The following IVNS1ABP variants were observed in gnomAD, a reference collection of about 807,000 sequenced individuals.
IVNS1ABP encodes the protein influenza virus NS1A-binding protein.
A neutral mutation model predicts 78.9 loss-of-function variants in IVNS1ABP; 25 were observed. The ratio of observed to expected loss-of-function variants is 0.32; its 90% CI spans 0.23 to 0.44. IVNS1ABP has a LOEUF of 0.44. Among genes scored for constraint, IVNS1ABP ranks in the 20% least tolerant of loss-of-function variants. The pLI is 1.00. For missense variants in IVNS1ABP, 494 were observed against 768.9 expected (o/e 0.64, Z 4.23); for synonymous variants, 241 against 259.7 (o/e 0.93, Z 0.69).
intron 5 of IVNS1ABP, among the ~76,000 whole-genome samples, chr1:185,308,294 A>G (rs1665792116): frequency 6.6e-6 from 1 of 152,184 alleles, no homozygotes; most frequent in South Asian, 2.1e-4. Flanking sequence ...TGTAGACCAT[A>G]TGTAAATGAA....
chr1:185,313,004 T>C (rs1256098001), intron 1 of IVNS1ABP, among the ~76,000 whole-genome samples: 3 of 152,216 alleles, frequency 2.0e-5, no homozygotes, highest in Non-Finnish European at 2.9e-5. Context: ...AAAAACATTA[T>C]AATATGAAGG....
chr1:185,298,163 T>G lies in IVNS1ABP; in HGVS notation c.1801A>C (p.Ile601Leu). 6.2e-7 allele frequency: 1 copy of G among 1,613,892 alleles called. No homozygotes were observed. The highest frequency in any genetic ancestry group is 8.5e-7 in the Non-Finnish European group (1 of 1,179,842). Residue 601 changes from isoleucine to leucine, a missense_variant, in exon 15 of 15, where the codon ATT becomes CTT. Coordinates refer to ENST00000367498, the MANE Select transcript of IVNS1ABP (RefSeq NM_006469.5). The surrounding 1 kb of genome is among the most constrained non-coding windows in gnomAD (Gnocchi z 4.1). ...TAAATGGTGTTCCCTACAGTTGCAA[T>G]CCCAGCATTGCTCCTTGGTGAAGTC... Reference protein sequence around the residue: ...NMTSPRSNAGIATVGNTIYAV... With the variant: ...NMTSPRSNAGLATVGNTIYAV...
intron 1 of IVNS1ABP, among the ~76,000 whole-genome samples, chr1:185,315,015 G>T (rs1157680218): frequency 1.3e-5 from 2 of 152,142 alleles, no homozygotes; most frequent in African/African-American, 2.4e-5. Context: ...ATTTTCTGTT[G>T]TTTTAACAAA....
rs2102822501 is a variant in IVNS1ABP at position 185,311,308 on chromosome 1, A to G, written c.-232T>C. On this transcript the variant is annotated 5_prime_UTR_variant, in exon 2 of 15. Transcript: ENST00000367498. ...ATAGACACGAATTTCTTCTGTGATA[A>G]TGATGCATCATAATCTATAACAATG... The G allele has an allele frequency of 2.5e-6, 1 of 397,964 alleles. No individual in the cohort carries two copies. Among genetic ancestry groups the G allele is most frequent in the Non-Finnish European group, 4.4e-6 (1 of 225,614 alleles). 24.7% of individuals were successfully genotyped at this position (397,964 alleles called of 1,614,324 possible). A position where few individuals can be genotyped will look rare whatever the true frequency, so the allele number is the denominator to read the frequency against.
At chr1:185,313,192 T>G (rs1277133851) in intron 1 of IVNS1ABP, among the ~76,000 whole-genome samples, 2 of 152,212 alleles carry the variant, frequency 1.3e-5, no homozygotes, top group Admixed American at 1.3e-4. Context: ...GGAGAATTTT[T>G]GGGGCAATTT....
At chr1:185,304,436 A>G (rs1665684477) in intron 8 of IVNS1ABP, among the ~76,000 whole-genome samples, 1 of 152,152 alleles carries the variant, frequency 6.6e-6, no homozygotes, top group Non-Finnish European at 1.5e-5. Context: ...ACTTTTAGAA[A>G]TATTCACTCA....
chr1:185,300,608 A>G lies in IVNS1ABP; in HGVS notation c.1121-50T>C, dbSNP rs770276163. 1.6e-5 allele frequency: 26 copies of G among 1,581,298 alleles called. No homozygotes were observed. The East Asian group carries it at 5.8e-4, about 35-fold the overall frequency. ...ATTTATGTTTAAAATATTAAACTGGACCACGGTTTCCAGTCCTGTAAGTTT... is the reference window on the plus strand; with the variant it reads ...ATTTATGTTTAAAATATTAAACTGGGCCACGGTTTCCAGTCCTGTAAGTTT... On this transcript the variant is annotated intron_variant, in intron 10 of 14. Transcript: ENST00000367498.
At chr1:185,302,394 T>C (rs1665624968) in intron 8 of IVNS1ABP, among the ~76,000 whole-genome samples, 1 of 152,128 alleles carries the variant, frequency 6.6e-6, no homozygotes. Flanking sequence ...CATATGGAAT[T>C]GGAAGAGTAA....
chr1:185,316,366 G>T (rs1029613322), intron 1 of IVNS1ABP, among the ~76,000 whole-genome samples: 1 of 152,138 alleles, frequency 6.6e-6, no homozygotes, highest in Non-Finnish European at 1.5e-5. Context: ...CAAGAAAAGC[G>T]GGCAACGTGG....
At chr1:185,307,882 T>C (rs1665780380) in intron 5 of IVNS1ABP, 4 of 1,477,332 alleles carry the variant, frequency 2.7e-6, no homozygotes, top group East Asian at 2.5e-5. Context: ...GTACAACAAA[T>C]TGAAATGCTA....
rs1291505122 is a variant in IVNS1ABP at position 185,298,568 on chromosome 1, T to C, written c.1676-280A>G. ...CTAAATAAGTACAATTTTCACCAACTCTGTGGTAGTTACTATTATTATTTC... is the reference window on the plus strand; with the variant it reads ...CTAAATAAGTACAATTTTCACCAACCCTGTGGTAGTTACTATTATTATTTC... On this transcript the variant is annotated intron_variant, in intron 14 of 14. Coordinates refer to ENST00000367498, the MANE Select transcript of IVNS1ABP (RefSeq NM_006469.5). The surrounding 1 kb of genome is among the most constrained non-coding windows in gnomAD (Gnocchi z 4.1). 22 of 426,076 alleles carry C rather than the reference T, an allele frequency of 5.2e-5. No homozygotes were observed. Among genetic ancestry groups the C allele is most frequent in the Non-Finnish European group, 5.9e-5 (14 of 237,910 alleles). The allele number at this position is 426,076 out of a possible 1,614,324, so 26.4% of individuals were successfully genotyped here.
rs778817310 is a variant in IVNS1ABP at position 185,305,676 on chromosome 1, A to G, written c.658-33T>C. 1 of 1,611,358 alleles carries G rather than the reference A, an allele frequency of 6.2e-7. No homozygotes were observed. Among genetic ancestry groups the G allele is most frequent in the East Asian group, 2.2e-5 (1 of 44,840 alleles). On this transcript the variant is annotated intron_variant, in intron 7 of 14. Coordinates refer to ENST00000367498, the MANE Select transcript of IVNS1ABP (RefSeq NM_006469.5). The surrounding 1 kb of genome is among the most constrained non-coding windows in gnomAD (Gnocchi z 4.0). ...ACAGCAACAGAACACCCATGTGGCT[A>G]CGGTCACCATGGCTACTCCACTAGT... is the stretch of plus-strand genomic sequence containing the variant.
chr1:185,296,910 T>C lies in IVNS1ABP; in HGVS notation c.*1125A>G, dbSNP rs998992988. On this transcript the variant is annotated 3_prime_UTR_variant, in exon 15 of 15. Coordinates refer to ENST00000367498, the MANE Select transcript of IVNS1ABP (RefSeq NM_006469.5). The stretch of plus-strand genomic sequence containing the variant: ...GATATTAATCCCATGGTGCAAGGAT[T>C]TCCTGCAAAGTACCTTTAATGTGTT... The C allele has an allele frequency of 1.3e-5, 2 of 152,174 alleles. No individual in the cohort carries two copies. Among genetic ancestry groups the C allele is most frequent in the Non-Finnish European group, 2.9e-5 (2 of 68,022 alleles). 9.4% of individuals were successfully genotyped at this position (152,174 alleles called of 1,614,324 possible). A position where few individuals can be genotyped will look rare whatever the true frequency, so the allele number is the denominator to read the frequency against.
chr1:185,300,504 G>T lies in IVNS1ABP; in HGVS notation c.1175C>A (p.Thr392Lys). The T allele has an allele frequency of 6.2e-7, 1 of 1,613,550 alleles. No individual in the cohort carries two copies. Among genetic ancestry groups the T allele is most frequent in the East Asian group, 2.2e-5 (1 of 44,866 alleles). Residue 392 changes from threonine (T) to lysine (K), a missense_variant, in exon 11 of 15, where the codon ACA (threonine) becomes AAA (lysine). Coordinates refer to ENST00000367498, the MANE Select transcript of IVNS1ABP (RefSeq NM_006469.5). ...LRTVECYNPH[T>K]DHWSFLAPMR... ...GGGAGCAAGAAAGGACCAGTGATCT[G>T]TATGTGGATTATAGCATTCGACTGT...
rs1571739440 is a variant in IVNS1ABP, at chr1:185,300,890, T to C, written c.1120+82A>G. ...TATTGGATTGCCGTGAAAGATGGCA[T>C]ATTAAACCCTCTCTTTGAAAGTTTG... On this transcript the variant is annotated intron_variant, in intron 10 of 14. Transcript: ENST00000367498. The C allele has an allele frequency of 3.9e-6, 4 of 1,037,238 alleles. 1 individual carries two copies. Among genetic ancestry groups the C allele is most frequent in the East Asian group, 4.8e-5 (2 of 41,936 alleles). The allele number at this position is 1,037,238 out of a possible 1,614,324, so 64.3% of individuals were successfully genotyped here. A position where few individuals can be genotyped will look rare whatever the true frequency, so the allele number is the denominator to read the frequency against.
At position 185,298,667 on chromosome 1, in the gene IVNS1ABP, G is replaced by A. The variant is rs1260305062; in HGVS notation, c.1676-379C>T. The A allele has an allele frequency of 1.2e-5, 3 of 248,234 alleles. No individual in the cohort carries two copies. The highest frequency in any genetic ancestry group is 1.1e-4 in the East Asian group (1 of 9,236). 15.4% of individuals were successfully genotyped at this position (248,234 alleles called of 1,614,324 possible). A position where few individuals can be genotyped will look rare whatever the true frequency, so the allele number is the denominator to read the frequency against. On this transcript the variant is annotated intron_variant, in intron 14 of 14. Coordinates refer to ENST00000367498, the MANE Select transcript of IVNS1ABP (RefSeq NM_006469.5). This position sits in a 1 kb window ranked among gnomAD's most constrained non-coding sequence, Gnocchi z 4.1. ...AGCTACTAAGTAGCAAACCAGAATAGTTCTGTGCACTGGACTTTATATCAG... is the reference window on the plus strand; with the variant it reads ...AGCTACTAAGTAGCAAACCAGAATAATTCTGTGCACTGGACTTTATATCAG...
chr1:185,306,839 G>T, intron 7 of IVNS1ABP, 175 bp downstream of exon 7: 1 of 762,260 alleles, frequency 1.3e-6, no homozygotes, highest in Non-Finnish European at 2.0e-6. Context: ...AGACCAAACT[G>T]AACAGTTCAT....
In IVNS1ABP at chr1:185,298,461, G is replaced by T; in HGVS notation, c.1676-173C>A. On this transcript the variant is annotated intron_variant, in intron 14 of 14. Transcript: ENST00000367498. The surrounding 1 kb of genome is among the most constrained non-coding windows in gnomAD (Gnocchi z 4.1). ...TATGACAAATACTCTCTAAGAGCTG[G>T]GAATCAAATCAATAAAAAAACCATT... 1 of 625,822 alleles carries T rather than the reference G, an allele frequency of 1.6e-6. No homozygotes were observed. The allele number at this position is 625,822 out of a possible 1,614,324, so 38.8% of individuals were successfully genotyped here. A position where few individuals can be genotyped will look rare whatever the true frequency, so the allele number is the denominator to read the frequency against.
At position 185,309,299 on chromosome 1, in the gene IVNS1ABP, T is replaced by C. The variant is rs552897664; in HGVS notation, c.111+84A>G. ...TTAAAAAATCATTTCATTAAATGCCTATGAAAAAGAAATAAGCAAATCTAA... is the reference window on the plus strand; with the variant it reads ...TTAAAAAATCATTTCATTAAATGCCCATGAAAAAGAAATAAGCAAATCTAA... On this transcript the variant is annotated intron_variant, in intron 3 of 14. Coordinates refer to ENST00000367498, the MANE Select transcript of IVNS1ABP (RefSeq NM_006469.5). 155 of 1,218,684 alleles carry C rather than the reference T, an allele frequency of 1.3e-4. 1 individual carries two copies. In the African/African-American group the frequency reaches 1.7e-3, roughly 13 times the overall value. The allele number at this position is 1,218,684 out of a possible 1,614,324, so 75.5% of individuals were successfully genotyped here.
Sources: gnomAD v4.1 joint callset for allele counts (sites outside exome capture counted in the v4.1 genomes callset) on GRCh38, gnomAD v4.1.1 for gene constraint, Gnocchi (gnomAD v3.1) non-coding constraint, MANE v1.5 for transcripts, NCBI Gene and HGNC (gene_info 2026-07-23, HGNC 2026-07-21) for gene names.